The following HDGFL3 variants were observed in gnomAD, a reference collection of about 807,000 sequenced individuals.
HDGFL3 encodes the protein HDGF like 3.
HDGFL3 carries 6 observed loss-of-function variants against 27.6 expected under a neutral mutation model. The observed-to-expected ratio is 0.22, with a 90% CI of 0.12 to 0.43. The LOEUF is 0.43. Among genes scored for constraint, HDGFL3 ranks in the 20% least tolerant of loss-of-function variants. The pLI is 1.00. For missense variants in HDGFL3, 207 were observed against 250.1 expected, an observed-to-expected ratio of 0.83 and a Z score of 1.16; for synonymous variants, 88 against 88.9, an observed-to-expected ratio of 0.99 and a Z score of 0.05.
At chr15:83,168,463 G>C (rs1378066845) in intron 1 of HDGFL3, among the ~76,000 whole-genome samples, 1 of 152,086 alleles carries the variant, frequency 6.6e-6, no homozygotes, top group Non-Finnish European at 1.5e-5. Flanking sequence ...AAGTGACTAA[G>C]GTGACATTAT....
At chr15:83,179,449 C>T (rs115416854) in intron 1 of HDGFL3, among the ~76,000 whole-genome samples, 1 of 152,188 alleles carries the variant, frequency 6.6e-6, no homozygotes, top group African/African-American at 2.4e-5. Context: ...TTCCACATGG[C>T]TCAAACTTGT....
chr15:83,174,288 T>C (rs1055283094), intron 1 of HDGFL3, among the ~76,000 whole-genome samples: 2 of 151,474 alleles, frequency 1.3e-5, no homozygotes, highest in Non-Finnish European at 3.0e-5. Context: ...CATTCAGCTG[T>C]TCCCTGAATC....
At chr15:83,190,900 A>T (rs1327227746) in intron 1 of HDGFL3, among the ~76,000 whole-genome samples, 1 of 152,204 alleles carries the variant, frequency 6.6e-6, no homozygotes, top group East Asian at 1.9e-4. Context: ...ACTTTTATCT[A>T]TGTAGAAACG....
At chr15:83,176,407 G>A (rs933080492) in intron 1 of HDGFL3, among the ~76,000 whole-genome samples, 5 of 152,188 alleles carry the variant, frequency 3.3e-5, no homozygotes, top group South Asian at 2.1e-4. Flanking sequence ...TACTTAAAAT[G>A]TGGTGGCATT....
At position 83,138,111 on chromosome 15, in the gene HDGFL3, C is replaced by T. The variant is rs550387477; in HGVS notation, c.*1159G>A. On this transcript the variant is annotated 3_prime_UTR_variant, in exon 6 of 6. Coordinates refer to ENST00000299633, the MANE Select transcript of HDGFL3 (RefSeq NM_016073.4). ...ATATATGAATTACATTAATACCTCA[C>T]GTTACATATATGAAGCCAAATTACA... 16 of 152,516 alleles carry T rather than the reference C, an allele frequency of 1.0e-4. No homozygotes were observed. Among genetic ancestry groups the T allele is most frequent in the African/African-American group, 3.4e-4 (14 of 41,422 alleles). The allele number at this position is 152,516 out of a possible 1,614,324, so 9.4% of individuals were successfully genotyped here. A position where few individuals can be genotyped will look rare whatever the true frequency, so the allele number is the denominator to read the frequency against.
At chr15:83,180,575 T>C (rs1326766194) in intron 1 of HDGFL3, among the ~76,000 whole-genome samples, 3 of 150,434 alleles carry the variant, frequency 2.0e-5, no homozygotes, top group African/African-American at 7.3e-5. Context: ...AGGAAATGCA[T>C]ACAGGAGAAA....
rs527876709 is a variant in HDGFL3, at chr15:83,140,536, C to T, written c.607-1261G>A. The stretch of plus-strand genomic sequence containing the variant: ...TCGCTCTGTCACCTAGGCTGGAGTA[C>T]AGTGGCGTGATGTGAGCTCACTGCA... On this transcript the variant is annotated intron_variant, in intron 5 of 5. Coordinates refer to ENST00000299633, the MANE Select transcript of HDGFL3 (RefSeq NM_016073.4). 3.5e-5 allele frequency among the ~76,000 whole-genome samples: 5 copies of T among 141,234 alleles called. No individual in the cohort carries two copies. The East Asian group carries it at 1.1e-3, about 30-fold the overall frequency. The allele number at this position is 141,234 out of a possible 152,430, so 92.7% of individuals were successfully genotyped here.
At chr15:83,178,550 G>A (rs948329976) in intron 1 of HDGFL3, among the ~76,000 whole-genome samples, 3 of 152,130 alleles carry the variant, frequency 2.0e-5, no homozygotes, top group Non-Finnish European at 2.9e-5. Flanking sequence ...TGTGGTCCCA[G>A]ATACACAGGA....
At chr15:83,154,889 G>C (rs1175898440) in intron 4 of HDGFL3, among the ~76,000 whole-genome samples, 2 of 151,902 alleles carry the variant, frequency 1.3e-5, no homozygotes, top group Non-Finnish European at 2.9e-5. Context: ...CCCCTTTTGA[G>C]ACAGGGTCTC....
intron 1 of HDGFL3, among the ~76,000 whole-genome samples, chr15:83,199,114 G>A (rs1312154246): frequency 6.6e-6 from 1 of 152,116 alleles, no homozygotes; most frequent in South Asian, 2.1e-4. Flanking sequence ...TCATCATGTA[G>A]TAGTCCAGGG....
chr15:83,175,880 A>C (rs768771412), intron 1 of HDGFL3, among the ~76,000 whole-genome samples: 36 of 152,302 alleles, frequency 2.4e-4, no homozygotes, highest in Admixed American at 7.2e-4. Context: ...AACAAAAAAA[A>C]ACACACATTA....
chr15:83,142,063 C>A (rs148620147), intron 5 of HDGFL3, among the ~76,000 whole-genome samples: 297 of 152,306 alleles, frequency 2.0e-3, no homozygotes, highest in African/African-American at 7.0e-3. Context: ...CGCTTATATG[C>A]TGTTGGTGGG....
At position 83,136,521 on chromosome 15, in the gene HDGFL3, C is replaced by A; in HGVS notation, c.*2749G>T. 1 of 1,605,858 alleles carries A rather than the reference C, an allele frequency of 6.2e-7. No homozygotes were observed. The highest frequency in any genetic ancestry group is 8.5e-7 in the Non-Finnish European group (1 of 1,177,958). On this transcript the variant is annotated 3_prime_UTR_variant, in exon 6 of 6. Coordinates refer to ENST00000299633, the MANE Select transcript of HDGFL3 (RefSeq NM_016073.4). ...ATTGGTGCATCTCTTCATGCTAGAA[C>A]TGCTTATGTCTACAGAGTCCCTGAA...
At position 83,207,762 on chromosome 15, in the gene HDGFL3, C is replaced by G. The variant is rs2037743968; in HGVS notation, c.-348G>C. 2.0e-5 allele frequency: 3 copies of G among 150,340 alleles called. No homozygotes were observed. In the South Asian group the frequency reaches 5.4e-4, roughly 27 times the overall value. The allele number at this position is 150,340 out of a possible 1,614,324, so 9.3% of individuals were successfully genotyped here. A position where few individuals can be genotyped will look rare whatever the true frequency, so the allele number is the denominator to read the frequency against. ...GCCTCATGCCGCCGCTGCCGGTCTCCCTCCCGGGCTCCCGGGCGCGGCGCG... is the reference window on the plus strand; with the variant it reads ...GCCTCATGCCGCCGCTGCCGGTCTCGCTCCCGGGCTCCCGGGCGCGGCGCG... On this transcript the variant is annotated 5_prime_UTR_variant, in exon 1 of 6. Coordinates refer to ENST00000299633, the MANE Select transcript of HDGFL3 (RefSeq NM_016073.4). The surrounding 1 kb of genome is among the most constrained non-coding windows in gnomAD (Gnocchi z 4.8).
chr15:83,156,891 G>A (rs1204885186), intron 4 of HDGFL3, among the ~76,000 whole-genome samples: 5 of 151,982 alleles, frequency 3.3e-5, no homozygotes, highest in African/African-American at 1.2e-4. Flanking sequence ...TAGAGATGGG[G>A]TTTCACCATG....
intron 1 of HDGFL3, chr15:83,185,976 A>C (rs574691932): frequency 1.3e-5 from 2 of 152,408 alleles, no homozygotes; most frequent in East Asian, 3.9e-4. Context: ...CCTACATGGC[A>C]AGAAGCCTAA....
chr15:83,122,886 T>C (rs370531241), downstream of HDGFL3: 1 of 1,613,832 alleles, frequency 6.2e-7, no homozygotes, highest in Non-Finnish European at 8.5e-7. Flanking sequence ...AAGGTGATTT[T>C]ATTAAGCTTT....
Position 83,154,426 on chromosome 15 carries a change from A to G in HDGFL3, c.459+2989T>C, listed in dbSNP as rs1454163371. On this transcript the variant is annotated intron_variant, in intron 4 of 5. Coordinates refer to ENST00000299633, the MANE Select transcript of HDGFL3 (RefSeq NM_016073.4). ...CAAAAGAGAACAATGAAGTTATGCT[A>G]GGCAAGCGGTTCTCTAAATGTGGTT... 2.6e-5 allele frequency among the ~76,000 whole-genome samples: 4 copies of G among 152,260 alleles called. No homozygotes were observed. In the East Asian group the frequency reaches 7.7e-4, roughly 29 times the overall value.
rs149443260 is a variant in HDGFL3, at chr15:83,181,284, G to T, written c.85-17209C>A. Among the ~76,000 whole-genome samples the T allele has an allele frequency of 8.5e-5, 13 of 152,254 alleles. No individual in the cohort carries two copies. In the East Asian group the frequency reaches 2.5e-3, roughly 29 times the overall value. ...GGGATGGGCCAGATGATTTACTGAGGTTTCTCATTAGCATGTTACACTGCT... is the reference window on the plus strand; with the variant it reads ...GGGATGGGCCAGATGATTTACTGAGTTTTCTCATTAGCATGTTACACTGCT... On this transcript the variant is annotated intron_variant, in intron 1 of 5. Transcript: ENST00000299633.
Sources: allele counts gnomAD v4.1 joint callset (sites outside exome capture counted in the v4.1 genomes callset), GRCh38; gene constraint gnomAD v4.1.1; non-coding constraint Gnocchi (gnomAD v3.1); transcripts MANE v1.5; gene names NCBI Gene and HGNC (gene_info 2026-07-23, HGNC 2026-07-21).